The following PTPN12 variants were observed in gnomAD, a reference collection of about 807,000 sequenced individuals.
PTPN12 encodes the protein protein tyrosine phosphatase non-receptor type 12.
A neutral mutation model predicts 97.6 loss-of-function variants in PTPN12; 29 were observed. That is an observed-to-expected ratio of 0.30 (90% confidence interval 0.22 to 0.41). The LOEUF (loss-of-function observed/expected upper bound fraction) is 0.41, where lower values mean the gene tolerates loss of function less well. Among genes scored for constraint, PTPN12 ranks in the 10% least tolerant of loss-of-function variants. The probability of loss-of-function intolerance (pLI) is 1.00; values close to 1 mark genes in which losing one functional copy is unlikely to be tolerated. For missense variants in PTPN12, 819 were observed against 926.0 expected (o/e 0.88, Z 1.50); for synonymous variants, 327 against 300.4 (o/e 1.09, Z -0.91).
chr7:77,537,903 C>G (rs1323394454), intron 1 of PTPN12: 5 of 588,152 alleles, frequency 8.5e-6, no homozygotes, highest in African/African-American at 2.0e-5. Context: ...CGCGGCCGAG[C>G]CCGCAGCCTG....
At position 77,600,468 on chromosome 7, in the gene PTPN12, T is replaced by A. The variant is rs138178777; in HGVS notation, c.553-196T>A. ...CAGTACTTTCCTCATGGAAATTAAA[T>A]TGTTACATGTGAAGCCCTTAGGTAT... On this transcript the variant is annotated intron_variant, in intron 7 of 17. Coordinates refer to ENST00000248594, the MANE Select transcript of PTPN12 (RefSeq NM_002835.4). Among the ~76,000 whole-genome samples the A allele has an allele frequency of 8.0e-3, 1,214 of 152,296 alleles. 21 individuals are homozygous for A. Among genetic ancestry groups the A allele is most frequent in the African/African-American group, 0.027 (1,140 of 41,572 alleles).
chr7:77,592,849 TG>T (rs1412435005), intron 6 of PTPN12, among the ~76,000 whole-genome samples: 2 of 151,626 alleles, frequency 1.3e-5, no homozygotes, highest in Admixed American at 1.3e-4. Context: ...ATGAAAACAG[TG>T]AAGGAAATAG....
At chr7:77,634,281 A>G (rs556216652) in intron 14 of PTPN12, among the ~76,000 whole-genome samples, 10 of 152,240 alleles carry the variant, frequency 6.6e-5, no homozygotes, top group East Asian at 1.9e-4. Flanking sequence ...ACTTCTCCCT[A>G]TTAATCCTCT....
chr7:77,617,457 G>A lies in PTPN12; in HGVS notation c.940-1023G>A, dbSNP rs866464422. Among the ~76,000 whole-genome samples, 4 of 152,302 alleles carry A rather than the reference G, an allele frequency of 2.6e-5. No individual in the cohort carries two copies. The South Asian group carries it at 8.3e-4, about 32-fold the overall frequency. ...AGGGTGCACTTAAAATTGCTAGGAA[G>A]TTGAGATCTCTAGTTGTTTAGTTGG... is the stretch of plus-strand genomic sequence containing the variant. On this transcript the variant is annotated intron_variant, in intron 11 of 17. Coordinates refer to ENST00000248594, the MANE Select transcript of PTPN12 (RefSeq NM_002835.4).
intron 1 of PTPN12, among the ~76,000 whole-genome samples, chr7:77,543,747 A>G (rs1807091288): frequency 6.6e-6 from 1 of 152,168 alleles, no homozygotes; most frequent in African/African-American, 2.4e-5. Flanking sequence ...TGGACATTTT[A>G]TATAAATGGA....
In PTPN12 at chr7:77,626,774, C is replaced by G; in HGVS notation, c.1095C>G (p.Ile365Met). The G allele has an allele frequency of 6.2e-7, 1 of 1,613,822 alleles. No individual in the cohort carries two copies. The highest frequency in any genetic ancestry group is 8.5e-7 in the Non-Finnish European group (1 of 1,179,796). The change falls in exon 13 of 18, where the codon ATC (isoleucine) becomes ATG (methionine). Residue 365 changes from isoleucine to methionine, a missense_variant. Physicochemically the swap from Ile to Met is conservative, Grantham distance 10 (BLOSUM62 1). Around this residue, in one of 5 missense-constraint regions of PTPN12, gnomAD observed 607 missense variants for 577.3 expected, o/e 1.05. Transcript: ENST00000248594. Reference protein sequence around the residue: ...QPPEPHPVPPILTPSPPSAFP... With the variant: ...QPPEPHPVPPMLTPSPPSAFP... Reference sequence around the variant, plus strand: ...CGGAACCTCATCCAGTGCCACCCATCTTGACACCTTCTCCCCCTTCAGCTT... The same window carrying G: ...CGGAACCTCATCCAGTGCCACCCATGTTGACACCTTCTCCCCCTTCAGCTT...
intron 1 of PTPN12, among the ~76,000 whole-genome samples, chr7:77,543,823 G>T (rs1807097852): frequency 6.6e-6 from 1 of 152,178 alleles, no homozygotes; most frequent in South Asian, 2.1e-4. Flanking sequence ...TTTCATCCAT[G>T]TTATAGTATT....
chr7:77,537,437 G>A lies in PTPN12; in HGVS notation c.-110G>A. ...GGGAGCCGCGGGGCTTGGCGGGGTC[G>A]GGAGGGAGGGACGTGCTGGGGGAAC... is the stretch of plus-strand genomic sequence containing the variant. On this transcript the variant is annotated 5_prime_UTR_variant, in exon 1 of 18. Coordinates refer to ENST00000248594, the MANE Select transcript of PTPN12 (RefSeq NM_002835.4). The A allele has an allele frequency of 2.2e-6, 3 of 1,393,502 alleles. No individual in the cohort carries two copies. Among genetic ancestry groups the A allele is most frequent in the South Asian group, 3.0e-5 (2 of 66,088 alleles). 86.3% of individuals were successfully genotyped at this position (1,393,502 alleles called of 1,614,324 possible). A position where few individuals can be genotyped will look rare whatever the true frequency, so the allele number is the denominator to read the frequency against.
chr7:77,622,816 T>C (rs1018754198), intron 12 of PTPN12, among the ~76,000 whole-genome samples: 3 of 151,566 alleles, frequency 2.0e-5, no homozygotes, highest in Non-Finnish European at 4.4e-5. Flanking sequence ...AATTTAAAAA[T>C]TAAGCAGAAG....
intron 1 of PTPN12, among the ~76,000 whole-genome samples, chr7:77,559,014 T>A (rs1000965158): frequency 3.9e-5 from 6 of 152,180 alleles, no homozygotes; most frequent in African/African-American, 1.4e-4. Context: ...ACTCTCTCTC[T>A]GAAAAACAAA....
Position 77,610,830 on chromosome 7 carries a change from A to C in PTPN12, c.828A>C (p.Ala276=). 6.2e-7 allele frequency: 1 copy of C among 1,607,762 alleles called. No homozygotes were observed. Among genetic ancestry groups the C allele is most frequent in the Non-Finnish European group, 8.5e-7 (1 of 1,178,528 alleles). The part of the protein sequence containing the change: ...IQEMRTQRHS[A]VQTKEQYELV... The stretch of plus-strand genomic sequence containing the variant: ...AAATGAGAACACAAAGGCATTCTGC[A>C]GTACAAACAAAGGTATAGTTGTTTG... The change falls in exon 10 of 18, where the codon GCA becomes GCC. Residue 276 remains alanine (A), a synonymous_variant. Coordinates refer to ENST00000248594, the MANE Select transcript of PTPN12 (RefSeq NM_002835.4).
At chr7:77,549,942 T>C (rs1178419527) in intron 1 of PTPN12, among the ~76,000 whole-genome samples, 1 of 152,230 alleles carries the variant, frequency 6.6e-6, no homozygotes, top group African/African-American at 2.4e-5. Context: ...GTCAGAAATA[T>C]ATCACTATCT....
In PTPN12 at chr7:77,626,917, C is replaced by T. The variant is rs1384202322; in HGVS notation, c.1238C>T (p.Thr413Ile). 2.1e-5 allele frequency: 34 copies of T among 1,608,440 alleles called. No individual in the cohort carries two copies. The highest frequency in any genetic ancestry group is 1.7e-4 in the Middle Eastern group (1 of 6,044). Residue 413 changes from threonine (T) to isoleucine (I), a missense_variant, in exon 13 of 18, where the codon ACA (threonine) becomes ATA (isoleucine). Physicochemically the swap from Thr to Ile is moderately conservative, Grantham distance 89 (BLOSUM62 -1). Transcript: ENST00000248594. ...ADLNRNYSKS[T>I]ELPGKNESTI... is the part of the protein sequence containing the mutation. ...CTCAACAGAAACTATAGTAAATCAA[C>T]AGAACTTCCAGGGAAAAATGAATCA...
At chr7:77,588,085 TTG>T (rs1225726592) in intron 5 of PTPN12, among the ~76,000 whole-genome samples, 2 of 152,208 alleles carry the variant, frequency 1.3e-5, no homozygotes, top group African/African-American at 4.8e-5. Context: ...TACTTAATTT[TTG>T]TGTGTTTCCT....
intron 3 of PTPN12, among the ~76,000 whole-genome samples, chr7:77,582,783 C>CAA (rs374857749): frequency 7.5e-4 from 74 of 98,650 alleles, no homozygotes; most frequent in East Asian, 1.2e-3. Flanking sequence ...GACTCCGTCT[C>CAA]AAAAAAAAAA....
At chr7:77,621,109 T>C (rs1331802386) in intron 12 of PTPN12, among the ~76,000 whole-genome samples, 1 of 151,904 alleles carries the variant, frequency 6.6e-6, no homozygotes, top group Non-Finnish European at 1.5e-5. Flanking sequence ...TTTATTTATT[T>C]ATTTATTTAT....
chr7:77,573,105 CAA>C (rs1188949235), intron 2 of PTPN12, among the ~76,000 whole-genome samples: 2 of 47,844 alleles, frequency 4.2e-5, no homozygotes, highest in African/African-American at 2.5e-4. Context: ...AACAAAAAAA[CAA>C]AAAAAACCAG....
intron 1 of PTPN12, among the ~76,000 whole-genome samples, chr7:77,538,403 C>G (rs1272485613): frequency 8.2e-5 from 11 of 134,150 alleles, no homozygotes; most frequent in Non-Finnish European, 1.7e-4. Flanking sequence ...GGGATATTGC[C>G]GAAGGCGGAG....
chr7:77,636,848 A>G (rs1789611262), intron 15 of PTPN12, 170 bp from the exon 16 acceptor site: 3 of 517,414 alleles, frequency 5.8e-6, no homozygotes, highest in Admixed American at 3.6e-5. Context: ...GAAATAGCAT[A>G]ACATTTTAAA....
Sources: allele counts gnomAD v4.1 joint callset (sites outside exome capture counted in the v4.1 genomes callset), GRCh38; gene constraint gnomAD v4.1.1; regional missense constraint gnomAD v4.1.1; transcripts MANE v1.5; gene names NCBI Gene and HGNC (gene_info 2026-07-23, HGNC 2026-07-21).